Variants in HOXA3 observed in about 807,000 individuals in gnomAD.
HOXA3 encodes the protein homeobox A3.
HOXA3 carries 8 observed loss-of-function variants against 30.3 expected under a neutral mutation model. The ratio of observed to expected loss-of-function variants is 0.26; its 90% CI spans 0.15 to 0.48. The LOEUF (loss-of-function observed/expected upper bound fraction) is 0.48, where lower values mean the gene tolerates loss of function less well. Among genes scored for constraint, HOXA3 ranks in the 20% least tolerant of loss-of-function variants. The pLI is 0.99. For synonymous variants in HOXA3, 323 were observed against 273.1 expected (o/e 1.18, Z -1.80); for missense variants, 653 against 614.4 (o/e 1.06, Z -0.66).
intron 2 of HOXA3, chr7:27,129,258 C>A (rs373599669): frequency 7.8e-7 from 1 of 1,290,200 alleles, no homozygotes; most frequent in Non-Finnish European, 1.0e-6. Context: ...TGGAGGTGCT[C>A]GGGTGGGGGT....
intron 2 of HOXA3, among the ~76,000 whole-genome samples, chr7:27,131,266 G>A (rs1040530452): frequency 3.9e-5 from 6 of 152,338 alleles, no homozygotes; most frequent in African/African-American, 1.4e-4. Context: ...ACAGGCGAAA[G>A]GAAGGGCGTT....
chr7:27,145,423 C>T, intron 1 of HOXA3: 1 of 629,394 alleles, frequency 1.6e-6, no homozygotes, highest in Non-Finnish European at 2.7e-6. Context: ...CCCCGCTCCA[C>T]CGCTGGTATT....
intron 2 of HOXA3, among the ~76,000 whole-genome samples, chr7:27,135,471 T>G (rs1428958245): frequency 6.6e-6 from 1 of 152,204 alleles, no homozygotes; most frequent in Non-Finnish European, 1.5e-5. Context: ...ATTCTGTGTC[T>G]TTCAGGAGGG....
intron 4 of HOXA3, among the ~76,000 whole-genome samples, chr7:27,117,001 C>A (rs1190062990): frequency 6.6e-6 from 1 of 152,070 alleles, no homozygotes; most frequent in Non-Finnish European, 1.5e-5. Context: ...GAAAGGGGCA[C>A]ATCCGACCTC....
At chr7:27,137,925 A>G (rs1288602248) in intron 2 of HOXA3, among the ~76,000 whole-genome samples, 3 of 152,174 alleles carry the variant, frequency 2.0e-5, no homozygotes, top group African/African-American at 7.2e-5. Flanking sequence ...AAGTAACTCA[A>G]ATTAAACTGG....
chr7:27,138,434 T>C (rs1276825254), intron 2 of HOXA3, among the ~76,000 whole-genome samples: 4 of 152,242 alleles, frequency 2.6e-5, no homozygotes, highest in Non-Finnish European at 5.9e-5. Flanking sequence ...AAGCACTTAA[T>C]AGGTATCTTT....
In HOXA3 at chr7:27,119,311, C is replaced by T. The variant is rs73288577; in HGVS notation, c.-121+3248G>A. The stretch of plus-strand genomic sequence containing the variant: ...CCAGCAAATTCTCTCCCCACCCCCA[C>T]ACAAGTTCCTATAGAGATATCAACT... On this transcript the variant is annotated intron_variant, in intron 4 of 5. Coordinates refer to ENST00000612286, the MANE Select transcript of HOXA3 (RefSeq NM_153631.3). Among the ~76,000 whole-genome samples the T allele has an allele frequency of 6.7e-3, 1,013 of 152,224 alleles. 14 individuals carry two copies. Among genetic ancestry groups the T allele is most frequent in the African/African-American group, 0.022 (912 of 41,526 alleles).
chr7:27,147,214 C>G, intron 1 of HOXA3: 2 of 1,221,112 alleles, frequency 1.6e-6, no homozygotes, highest in South Asian at 1.5e-5. Context: ...TCCTTTCTTT[C>G]TCTCTATTCC....
chr7:27,152,557 G>C lies in HOXA3; in HGVS notation c.-763C>G. The C allele has an allele frequency of 8.4e-7, 1 of 1,188,866 alleles. No homozygotes were observed. Among genetic ancestry groups the C allele is most frequent in the Non-Finnish European group, 1.1e-6 (1 of 942,530 alleles). 73.6% of individuals were successfully genotyped at this position (1,188,866 alleles called of 1,614,324 possible). A position where few individuals can be genotyped will look rare whatever the true frequency, so the allele number is the denominator to read the frequency against. On this transcript the variant is annotated 5_prime_UTR_variant, in exon 1 of 6. Transcript: ENST00000612286. ...GCTGGAAGGCAGAGCTCCGAAGCAG[G>C]CAGGACGGAGCGGAGCAAAAGAATG...
intron 1 of HOXA3, among the ~76,000 whole-genome samples, chr7:27,144,240 T>C: frequency 6.6e-6 from 1 of 152,166 alleles, no homozygotes; most frequent in Non-Finnish European, 1.5e-5. Context: ...AGATATCACC[T>C]TCGGGGAAGG....
Position 27,143,525 on chromosome 7 carries a change from C to A in HOXA3, c.-493-3339G>T, listed in dbSNP as rs755930788. The A allele has an allele frequency of 1.9e-6, 3 of 1,613,748 alleles. No individual in the cohort carries two copies. The Admixed American group carries it at 5.0e-5, about 27-fold the overall frequency. Reference sequence around the variant, plus strand: ...GTCCCTGAATTGCTCGCTCACGGAACTATGATCTCCATAATTATGCAACTG... The same window carrying A: ...GTCCCTGAATTGCTCGCTCACGGAAATATGATCTCCATAATTATGCAACTG... On this transcript the variant is annotated intron_variant, in intron 1 of 5. Coordinates refer to ENST00000612286, the MANE Select transcript of HOXA3 (RefSeq NM_153631.3).
At chr7:27,147,790 G>A (rs906884381) in intron 1 of HOXA3, 1 of 1,539,128 alleles carries the variant, frequency 6.5e-7, no homozygotes, top group Non-Finnish European at 8.8e-7. Context: ...TTGTGTATTA[G>A]TACATCTGGC....
At chr7:27,121,220 C>CATGTGTGTGTGT (rs1554337533) in intron 4 of HOXA3, 1 of 137,846 alleles carries the variant, frequency 7.3e-6, no homozygotes. Context: ...CCACTGTGTG[C>CATGTGTGTGTGT]GTGTGTGTGT....
chr7:27,113,088 G>T lies in HOXA3; in HGVS notation c.-120-2328C>A, dbSNP rs1358927983. On this transcript the variant is annotated intron_variant, in intron 4 of 5. Coordinates refer to ENST00000612286, the MANE Select transcript of HOXA3 (RefSeq NM_153631.3). The surrounding 1 kb of genome is among the most constrained non-coding windows in gnomAD (Gnocchi z 4.8). ...TTTGCAACCTAGTAAAGAAGTTGGA[G>T]ATTTGCCAGCCAGGAAACTTTGCTC... Among the ~76,000 whole-genome samples, 1 of 152,086 alleles carries T rather than the reference G, an allele frequency of 6.6e-6. No homozygotes were observed. Among genetic ancestry groups the T allele is most frequent in the African/African-American group, 2.4e-5 (1 of 41,396 alleles).
chr7:27,121,067 T>C (rs1246469845), intron 4 of HOXA3: 1 of 152,208 alleles, frequency 6.6e-6, no homozygotes, highest in African/African-American at 2.4e-5. Context: ...TTAGCCAATA[T>C]TTGCAAGGCT....
chr7:27,142,031 T>G, intron 1 of HOXA3: 1 of 1,614,248 alleles, frequency 6.2e-7, no homozygotes, highest in Non-Finnish European at 8.5e-7. Context: ...CTCCAGGGTC[T>G]GGTAGCGCGT....
intron 2 of HOXA3, among the ~76,000 whole-genome samples, chr7:27,133,654 G>C (rs1785629648): frequency 6.6e-6 from 1 of 152,194 alleles, no homozygotes; most frequent in Non-Finnish European, 1.5e-5. Context: ...AAGAGTGAAG[G>C]GAGTCGGAGG....
At chr7:27,134,720 T>C (rs1785663281) in intron 2 of HOXA3, among the ~76,000 whole-genome samples, 1 of 152,226 alleles carries the variant, frequency 6.6e-6, no homozygotes, top group Non-Finnish European at 1.5e-5. Flanking sequence ...GTGAAAACTT[T>C]ACACATTGCA....
In HOXA3 at chr7:27,122,552, C is replaced by G. The variant is rs748367205; in HGVS notation, c.-121+7G>C. 2 of 152,200 alleles carry G rather than the reference C, an allele frequency of 1.3e-5. No individual in the cohort carries two copies. The highest frequency in any genetic ancestry group is 2.9e-5 in the Non-Finnish European group (2 of 68,048). The allele number at this position is 152,200 out of a possible 1,614,324, so 9.4% of individuals were successfully genotyped here. On this transcript the variant is annotated splice_region_variant and intron_variant, in intron 4 of 5. Transcript: ENST00000612286. ...CACGCGGCGAAGAGTTTTGGAGCAGCGCTTACCTAGAAAGATGTTTAAATT... is the reference window on the plus strand; with the variant it reads ...CACGCGGCGAAGAGTTTTGGAGCAGGGCTTACCTAGAAAGATGTTTAAATT...
Sources: gnomAD v4.1 joint callset for allele counts (sites outside exome capture counted in the v4.1 genomes callset) on GRCh38, gnomAD v4.1.1 for gene constraint, Gnocchi (gnomAD v3.1) non-coding constraint, MANE v1.5 for transcripts, NCBI Gene and HGNC (gene_info 2026-07-23, HGNC 2026-07-21) for gene names.